The following GOLIM4 variants were observed in gnomAD, a reference collection of about 807,000 sequenced individuals.
GOLIM4 encodes the protein golgi integral membrane protein 4, also known as 130 kDa golgi-localized phosphoprotein.
A neutral mutation model predicts 107.4 loss-of-function variants in GOLIM4; 71 were observed. The ratio of observed to expected loss-of-function variants is 0.66; its 90% CI spans 0.55 to 0.81. GOLIM4 has a LOEUF of 0.81. Among genes scored for constraint, GOLIM4 ranks in the 30% least tolerant of loss-of-function variants. The probability of loss-of-function intolerance (pLI) is 0.00; values close to 1 mark genes in which losing one functional copy is unlikely to be tolerated. For synonymous variants in GOLIM4, 327 were observed against 294.8 expected, an observed-to-expected ratio of 1.11 and a Z score of -1.12; for missense variants, 830 against 826.1, an observed-to-expected ratio of 1.00 and a Z score of -0.06.
At chr3:168,079,308 A>G (rs191610570) in intron 1 of GOLIM4, among the ~76,000 whole-genome samples, 11 of 152,218 alleles carry the variant, frequency 7.2e-5, no homozygotes, top group African/African-American at 2.7e-4. Context: ...GTTAAGCAAA[A>G]GAAGCCAGAC....
At chr3:168,083,022 T>G (rs1340297305) in intron 1 of GOLIM4, among the ~76,000 whole-genome samples, 1 of 152,232 alleles carries the variant, frequency 6.6e-6, no homozygotes, top group African/African-American at 2.4e-5. Context: ...CTCATGTATT[T>G]GTAATAACTA....
intron 1 of GOLIM4, among the ~76,000 whole-genome samples, chr3:168,051,784 A>C (rs1387400310): frequency 6.6e-6 from 1 of 152,190 alleles, no homozygotes; most frequent in East Asian, 1.9e-4. Flanking sequence ...AAGGCTGGAG[A>C]ATATCACCGA....
chr3:168,023,991 TC>T (rs1397833014), intron 14 of GOLIM4, among the ~76,000 whole-genome samples: 1 of 152,224 alleles, frequency 6.6e-6, no homozygotes, highest in African/African-American at 2.4e-5. Context: ...GCTCTTTACA[TC>T]TTTTTCCTCC....
In GOLIM4 at chr3:168,010,402, T is replaced by C. The variant is rs556055202; in HGVS notation, c.1958A>G (p.Asn653Ser). 23 of 1,604,986 alleles carry C rather than the reference T, an allele frequency of 1.4e-5. No individual in the cohort carries two copies. Among genetic ancestry groups the C allele is most frequent in the Non-Finnish European group, 1.9e-5 (22 of 1,172,966 alleles). ...TCGAACTTCTTGCTCTTCTCCATCA[T>C]TATTTTTATCATCAGTCTTAAAATT... ...ENDENTDDKN[N>S]DGEEQEVRDD... Residue 653 changes from asparagine (N) to serine (S), a missense_variant, in exon 16 of 16, where the codon AAT becomes AGT. Coordinates refer to ENST00000470487, the MANE Select transcript of GOLIM4 (RefSeq NM_014498.5).
chr3:168,040,918 AT>A, intron 6 of GOLIM4, 49 bp from the exon 7 acceptor site: 2 of 1,240,048 alleles, frequency 1.6e-6, no homozygotes, highest in East Asian at 4.6e-5. Flanking sequence ...TCTACGACAA[AT>A]TCTTCTTTGG....
In GOLIM4 at chr3:168,020,108, C is replaced by T. The variant is rs547970418; in HGVS notation, c.1860+4418G>A. ...ACCTAGGTGAGCTCTAATCATGTTT[C>T]TAACAATAAATAAAAGCTATGCAAC... On this transcript the variant is annotated intron_variant, in intron 14 of 15. Transcript: ENST00000470487. Among the ~76,000 whole-genome samples the T allele has an allele frequency of 9.9e-5, 15 of 152,242 alleles. 1 individual carries two copies. The South Asian group carries it at 2.9e-3, about 29-fold the overall frequency.
intron 14 of GOLIM4, among the ~76,000 whole-genome samples, chr3:168,022,180 T>G (rs182782029): frequency 1.5e-4 from 23 of 152,152 alleles, no homozygotes; most frequent in Admixed American, 1.4e-3. Context: ...TCTGAACAGG[T>G]GTGGCCCAGG....
intron 5 of GOLIM4, 103 bp from the exon 6 acceptor site, chr3:168,041,577 T>C (rs1719006261): frequency 1.9e-5 from 12 of 617,126 alleles, no homozygotes; most frequent in Non-Finnish European, 3.1e-5. Flanking sequence ...TTTTAGAATT[T>C]ATTTTGAACT....
chr3:168,087,509 T>C (rs1015915669), intron 1 of GOLIM4, among the ~76,000 whole-genome samples: 24 of 152,296 alleles, frequency 1.6e-4, no homozygotes, highest in Admixed American at 6.5e-4. Context: ...AAATCAACTC[T>C]AGTATCAACC....
At chr3:168,022,114 C>T (rs1026425265) in intron 14 of GOLIM4, among the ~76,000 whole-genome samples, 1 of 152,118 alleles carries the variant, frequency 6.6e-6, no homozygotes, top group Admixed American at 6.5e-5. Context: ...TTCCTAAAAT[C>T]ATACTTCTTT....
chr3:168,066,773 A>G (rs148609446), intron 1 of GOLIM4, among the ~76,000 whole-genome samples: 3 of 152,272 alleles, frequency 2.0e-5, no homozygotes, highest in African/African-American at 7.2e-5. Flanking sequence ...TAGAAGATCT[A>G]GTGACCTTTT....
At chr3:168,068,840 T>TA (rs1720686932) in intron 1 of GOLIM4, among the ~76,000 whole-genome samples, 7 of 143,848 alleles carry the variant, frequency 4.9e-5, no homozygotes, top group African/African-American at 1.7e-4. Flanking sequence ...TTATTTTATT[T>TA]TTTTTTTTTT....
At chr3:168,015,057 A>G (rs1332034720) in intron 14 of GOLIM4, among the ~76,000 whole-genome samples, 1 of 151,566 alleles carries the variant, frequency 6.6e-6, no homozygotes, top group Non-Finnish European at 1.5e-5. Context: ...AGGCAGGAGA[A>G]GGAAATAAAG....
chr3:168,048,755 C>T (rs1164711841), intron 1 of GOLIM4, among the ~76,000 whole-genome samples: 2 of 152,228 alleles, frequency 1.3e-5, no homozygotes, highest in Non-Finnish European at 2.9e-5. Flanking sequence ...TACACTTCCA[C>T]CTCTGGCTTC....
chr3:168,051,398 T>G (rs1719637700), intron 1 of GOLIM4, among the ~76,000 whole-genome samples: 1 of 152,214 alleles, frequency 6.6e-6, no homozygotes, highest in Non-Finnish European at 1.5e-5. Flanking sequence ...TTAACAGCAG[T>G]GTGTCTCAAG....
At chr3:168,031,619 A>G (rs1230268027) in intron 9 of GOLIM4, among the ~76,000 whole-genome samples, 1 of 152,220 alleles carries the variant, frequency 6.6e-6, no homozygotes, top group African/African-American at 2.4e-5. Context: ...TACTTCCCCT[A>G]TTGGGGAAGG....
rs191597481 is a variant in GOLIM4 at position 168,041,477 on chromosome 3, A to G, written c.518-3T>C. On this transcript the variant is annotated splice_polypyrimidine_tract_variant and splice_region_variant and intron_variant, in intron 5 of 15. Coordinates refer to ENST00000470487, the MANE Select transcript of GOLIM4 (RefSeq NM_014498.5). ...TTCTCTCAAATTGTATACAGTCTCT[A>G]TTTTAGAAAAAGAAGGATCACACAT... 3 of 1,447,278 alleles carry G rather than the reference A, an allele frequency of 2.1e-6. No individual in the cohort carries two copies. The highest frequency in any genetic ancestry group is 2.8e-5 in the African/African-American group (2 of 71,834). 89.7% of individuals were successfully genotyped at this position (1,447,278 alleles called of 1,614,324 possible).
chr3:168,042,579 T>A (rs1330657518), intron 5 of GOLIM4, among the ~76,000 whole-genome samples: 2 of 152,190 alleles, frequency 1.3e-5, no homozygotes, highest in Non-Finnish European at 2.9e-5. Context: ...CCGTCCCCGG[T>A]TGAAATGGGG....
At chr3:168,076,228 T>A (rs1230491034) in intron 1 of GOLIM4, among the ~76,000 whole-genome samples, 1 of 152,234 alleles carries the variant, frequency 6.6e-6, no homozygotes, top group Non-Finnish European at 1.5e-5. Context: ...AATAAAAGAA[T>A]CTAAGTGAAT....
Sources: allele counts gnomAD v4.1 joint callset (sites outside exome capture counted in the v4.1 genomes callset), GRCh38; gene constraint gnomAD v4.1.1; transcripts MANE v1.5; gene names NCBI Gene and HGNC (gene_info 2026-07-23, HGNC 2026-07-21).